The following PSD3 variants were observed in gnomAD, a reference collection of about 807,000 sequenced individuals.
PSD3 encodes the protein PH and SEC7 domain-containing protein 3.
PSD3 carries 49 observed loss-of-function variants against 105.5 expected under a neutral mutation model. The observed-to-expected ratio is 0.46, with a 90% confidence interval of 0.37 to 0.59. The LOEUF is 0.59. Ranked by LOEUF, PSD3 falls within the 20% of genes least tolerant of loss-of-function variation. PSD3 has a pLI of 0.00. For missense variants in PSD3, 1,561 were observed against 1,263.8 expected, an observed-to-expected ratio of 1.24 and a Z score of -3.57; for synonymous variants, 557 against 457.8, an observed-to-expected ratio of 1.22 and a Z score of -2.77.
At chr8:18,755,150 C>T (rs1033005956) in intron 9 of PSD3, among the ~76,000 whole-genome samples, 7 of 152,028 alleles carry the variant, frequency 4.6e-5, no homozygotes, top group Non-Finnish European at 1.0e-4. Flanking sequence ...CAAACAAGGC[C>T]GGGTGCAGCA....
At chr8:18,920,627 C>T (rs942429153) in intron 2 of PSD3, among the ~76,000 whole-genome samples, 3 of 152,098 alleles carry the variant, frequency 2.0e-5, no homozygotes, top group African/African-American at 7.2e-5. Context: ...AGTAAAAAAC[C>T]TTTTATTGAC....
chr8:19,044,590 T>C (rs1828247711), intron 1 of PSD3, among the ~76,000 whole-genome samples: 3 of 152,244 alleles, frequency 2.0e-5, no homozygotes, highest in Admixed American at 2.0e-4. Context: ...TTTTTCACTG[T>C]AAGTCATTCC....
At chr8:18,667,210 G>T (rs574210985) in intron 9 of PSD3, among the ~76,000 whole-genome samples, 8 of 152,198 alleles carry the variant, frequency 5.3e-5, no homozygotes, top group East Asian at 1.9e-4. Flanking sequence ...ACAGAGAGCC[G>T]ATTACTCTGT....
At chr8:18,677,781 C>T (rs765864118) in intron 9 of PSD3, among the ~76,000 whole-genome samples, 7 of 152,002 alleles carry the variant, frequency 4.6e-5, no homozygotes, top group South Asian at 2.1e-4. Context: ...GGAGGCGAGG[C>T]GGCCAGATCA....
intron 1 of PSD3, among the ~76,000 whole-genome samples, chr8:19,078,241 A>G (rs1829523584): frequency 6.6e-6 from 1 of 152,134 alleles, no homozygotes; most frequent in Admixed American, 6.6e-5. Context: ...CCGTATCATA[A>G]CCTGTAGCAG....
intron 9 of PSD3, among the ~76,000 whole-genome samples, chr8:18,677,013 T>C (rs570612773): frequency 2.0e-5 from 3 of 152,354 alleles, no homozygotes; most frequent in African/African-American, 7.2e-5. Context: ...GGGTAAACAG[T>C]GATCGTAAAG....
chr8:18,987,777 C>T (rs553430236), intron 1 of PSD3, among the ~76,000 whole-genome samples: 1 of 152,104 alleles, frequency 6.6e-6, no homozygotes, highest in South Asian at 2.1e-4. Context: ...TGCATCACTG[C>T]ACTCCGGCCT....
intron 15 of PSD3, among the ~76,000 whole-genome samples, chr8:18,543,212 C>A (rs753725524): frequency 1.3e-5 from 2 of 151,984 alleles, no homozygotes; most frequent in Non-Finnish European, 2.9e-5. Context: ...TGTTTAATGG[C>A]GCCTTTGTCT....
intron 2 of PSD3, among the ~76,000 whole-genome samples, chr8:18,888,222 G>A (rs151241242): frequency 0.021 from 3,163 of 152,310 alleles, 45 homozygotes; most frequent in Non-Finnish European, 0.034. Context: ...ATGAGAGTGT[G>A]CACCTAGAGA....
intron 1 of PSD3, among the ~76,000 whole-genome samples, chr8:19,036,387 G>A (rs1435030441): frequency 6.6e-6 from 1 of 151,986 alleles, no homozygotes; most frequent in Non-Finnish European, 1.5e-5. Context: ...AAATTTTGAA[G>A]CTCCTTTAGA....
intron 8 of PSD3, among the ~76,000 whole-genome samples, chr8:18,795,266 T>C (rs1321795697): frequency 6.6e-6 from 1 of 152,138 alleles, no homozygotes; most frequent in Non-Finnish European, 1.5e-5. Context: ...CCACAGGGCA[T>C]GATACTCAAC....
intron 10 of PSD3, among the ~76,000 whole-genome samples, chr8:18,646,627 C>G (rs147015440): frequency 6.6e-6 from 1 of 151,756 alleles, no homozygotes; most frequent in African/African-American, 2.4e-5. Context: ...TGAAAGGCGA[C>G]AAATTATATT....
rs1035604220 is a variant in PSD3 at position 18,529,474 on chromosome 8, C to T, written c.*6269G>A. The T allele has an allele frequency of 3.3e-5, 5 of 152,646 alleles. No individual in the cohort carries two copies. Among genetic ancestry groups the T allele is most frequent in the African/African-American group, 4.8e-5 (2 of 41,518 alleles). The allele number at this position is 152,646 out of a possible 1,614,324, so 9.5% of individuals were successfully genotyped here. A position where few individuals can be genotyped will look rare whatever the true frequency, so the allele number is the denominator to read the frequency against. On this transcript the variant is annotated 3_prime_UTR_variant, in exon 16 of 16. Transcript: ENST00000327040. ...GGTCCCAGACATGTCAACTTTTCTC[C>T]TTATACACCTAAGGGGACAGTCAAC...
intron 2 of PSD3, among the ~76,000 whole-genome samples, chr8:18,907,637 GT>G (rs1398146500): frequency 6.6e-6 from 1 of 152,192 alleles, no homozygotes; most frequent in Non-Finnish European, 1.5e-5. Context: ...TATAGCCTAG[GT>G]GTGTCTCATA....
Position 18,663,247 on chromosome 8 carries a change from C to T in PSD3, c.2173-7562G>A, listed in dbSNP as rs546994908. Among the ~76,000 whole-genome samples the T allele has an allele frequency of 1.4e-3, 209 of 151,982 alleles. 1 individual carries two copies. The highest frequency in any genetic ancestry group is 4.8e-3 in the African/African-American group (199 of 41,450). Reference sequence around the variant, plus strand: ...TTCGAAACCAGCCTAGCCAACGTGGCGAAACCCAGCCTTTACTAAAAACAC... The same window carrying T: ...TTCGAAACCAGCCTAGCCAACGTGGTGAAACCCAGCCTTTACTAAAAACAC... On this transcript the variant is annotated intron_variant, in intron 9 of 15. Coordinates refer to ENST00000327040, the MANE Select transcript of PSD3 (RefSeq NM_015310.4).
intron 8 of PSD3, among the ~76,000 whole-genome samples, chr8:18,792,936 T>A (rs908444954): frequency 1.3e-5 from 2 of 152,150 alleles, no homozygotes; most frequent in Admixed American, 6.5e-5. Flanking sequence ...CAAATGTCCA[T>A]CAATGATAGA....
Position 18,572,579 on chromosome 8 carries a change from C to T in PSD3, c.2733G>A (p.Gln911=), listed in dbSNP as rs980781097. 2 of 1,614,078 alleles carry T rather than the reference C, an allele frequency of 1.2e-6. No individual in the cohort carries two copies. The highest frequency in any genetic ancestry group is 1.7e-6 in the Non-Finnish European group (2 of 1,179,954). The change falls in exon 14 of 16, where the codon CAG becomes CAA. Residue 911 remains glutamine (Q), a synonymous_variant. Coordinates refer to ENST00000327040, the MANE Select transcript of PSD3 (RefSeq NM_015310.4). ...GCAGAAGTGGGCGGCTAAACTTCTTCTGAGAGCCGATTGCTGCTGGAAATG... is the reference window on the plus strand; with the variant it reads ...GCAGAAGTGGGCGGCTAAACTTCTTTTGAGAGCCGATTGCTGCTGGAAATG... The part of the protein sequence containing the change: ...APPFPAAIGS[Q]KKFSRPLLPA...
intron 1 of PSD3, among the ~76,000 whole-genome samples, chr8:18,947,855 G>T (rs780726291): frequency 6.6e-6 from 1 of 152,080 alleles, no homozygotes; most frequent in African/African-American, 2.4e-5. Context: ...TAGAAAGCTG[G>T]GAGCTAGAAA....
intron 1 of PSD3, among the ~76,000 whole-genome samples, chr8:19,060,333 T>C (rs947642289): frequency 2.0e-5 from 3 of 152,238 alleles, no homozygotes; most frequent in African/African-American, 7.2e-5. Context: ...TTTACCAATA[T>C]ATAGGTATCT....
Sources: allele counts gnomAD v4.1 joint callset (sites outside exome capture counted in the v4.1 genomes callset), GRCh38; gene constraint gnomAD v4.1.1; transcripts MANE v1.5; gene names NCBI Gene and HGNC (gene_info 2026-07-23, HGNC 2026-07-21).